Variants in SNAPC4 observed in about 807,000 individuals in gnomAD.
SNAPC4 encodes snRNA-activating protein complex subunit 4.
In SNAPC4, 127 loss-of-function variants were observed where a neutral mutation model predicts 151.3. The ratio of observed to expected loss-of-function variants is 0.84; its 90% CI spans 0.73 to 0.97. The LOEUF (loss-of-function observed/expected upper bound fraction) is 0.97. Among genes scored for constraint, SNAPC4 ranks in the 50% least tolerant of loss-of-function variants. SNAPC4 has a pLI of 0.00. For missense variants in SNAPC4, 2,186 were observed against 1,935.0 expected (o/e 1.13, Z -2.43); for synonymous variants, 1,002 against 824.4 (o/e 1.22, Z -3.69).
intron 7 of SNAPC4, among the ~76,000 whole-genome samples, chr9:136,394,040 C>T (rs1026527131): frequency 2.6e-5 from 4 of 152,244 alleles, no homozygotes; most frequent in Non-Finnish European, 5.9e-5. Context: ...ACCTCAGCCT[C>T]CCGAGTAGCT....
At chr9:136,380,691 C>G in intron 20 of SNAPC4, 49 bp downstream of exon 20, 1 of 1,092,794 alleles carries the variant, frequency 9.2e-7, no homozygotes, top group Non-Finnish European at 1.4e-6. Context: ...CACTCCAACG[C>G]CGGGGCGGGC....
intron 13 of SNAPC4, among the ~76,000 whole-genome samples, chr9:136,385,329 T>C (rs1216181992): frequency 1.3e-5 from 2 of 152,218 alleles, no homozygotes; most frequent in South Asian, 2.1e-4. Flanking sequence ...ACATTCCTAG[T>C]GGGAATACGA....
chr9:136,391,170 G>A (rs921263665), intron 10 of SNAPC4, among the ~76,000 whole-genome samples: 1 of 152,158 alleles, frequency 6.6e-6, no homozygotes, highest in Non-Finnish European at 1.5e-5. Context: ...CAATTTAATA[G>A]CTGATATAGA....
In SNAPC4 at chr9:136,383,284, G is replaced by C. The variant is rs1298961165; in HGVS notation, c.1885C>G (p.Gln629Glu). Reference protein sequence around the residue: ...AAPGEETSPVQVPARAHGPVP... With the variant: ...AAPGEETSPVEVPARAHGPVP... ...GGGCCGTGGGCCCTGGCAGGGACCTGCACCGGACTCGTCTCCTCTCCAGGA... is the reference window on the plus strand; with the variant it reads ...GGGCCGTGGGCCCTGGCAGGGACCTCCACCGGACTCGTCTCCTCTCCAGGA... Residue 629 changes from glutamine to glutamate, a missense_variant, in exon 16 of 24, where the codon CAG becomes GAG. By Grantham distance (29) the Gln-to-Glu change is conservative. Transcript: ENST00000684778. The surrounding 1 kb of genome is among the most constrained non-coding windows in gnomAD (Gnocchi z 4.2). 2 of 1,612,230 alleles carry C rather than the reference G, an allele frequency of 1.2e-6. No individual in the cohort carries two copies. The highest frequency in any genetic ancestry group is 1.7e-6 in the Non-Finnish European group (2 of 1,179,728).
chr9:136,391,876 C>G (rs1372407111), intron 10 of SNAPC4, 66 bp downstream of exon 10: 18 of 1,527,516 alleles, frequency 1.2e-5, no homozygotes, highest in Non-Finnish European at 1.4e-5. Flanking sequence ...CGTCCAGCAG[C>G]CTCCCGCTAT....
In SNAPC4 at chr9:136,388,562, C is replaced by G; in HGVS notation, c.1005G>C (p.Gln335His). 1.9e-6 allele frequency: 3 copies of G among 1,614,100 alleles called. No individual in the cohort carries two copies. The highest frequency in any genetic ancestry group is 2.5e-6 in the Non-Finnish European group (3 of 1,180,028). Residue 335 changes from glutamine (Q) to histidine (H), a missense_variant, in exon 11 of 24, where the codon CAG (glutamine) becomes CAC (histidine). Transcript: ENST00000684778. ...GTSRSAFQCLQKFQQHNKALK... is the reference protein window; with the variant it reads ...GTSRSAFQCLHKFQQHNKALK... ...GAGCTTTGTTGTGCTGCTGGAATTT[C>G]TGCAGGCACTGGAAGGCGCTGCGGC... is the stretch of plus-strand genomic sequence containing the variant.
rs562671922 is a variant in SNAPC4 at position 136,383,797 on chromosome 9, G to A, written c.1501-129C>T. The A allele has an allele frequency of 3.5e-5, 48 of 1,372,450 alleles. 1 individual carries two copies. Among genetic ancestry groups the A allele is most frequent in the Admixed American group, 3.4e-4 (17 of 50,076 alleles). 85.0% of individuals were successfully genotyped at this position (1,372,450 alleles called of 1,614,324 possible). A position where few individuals can be genotyped will look rare whatever the true frequency, so the allele number is the denominator to read the frequency against. Reference sequence around the variant, plus strand: ...TCCGGGGTCAAGAGCAGCCGCTGCCGAGGCAGGGTCTCCCTTTGCCCTTGG... The same window carrying A: ...TCCGGGGTCAAGAGCAGCCGCTGCCAAGGCAGGGTCTCCCTTTGCCCTTGG... On this transcript the variant is annotated intron_variant, in intron 15 of 23. Transcript: ENST00000684778. The surrounding 1 kb of genome is among the most constrained non-coding windows in gnomAD (Gnocchi z 4.2).
intron 3 of SNAPC4, among the ~76,000 whole-genome samples, chr9:136,396,491 A>T (rs1276990104): frequency 6.6e-6 from 1 of 152,176 alleles, no homozygotes; most frequent in Non-Finnish European, 1.5e-5. Flanking sequence ...ATCACAGCTC[A>T]CTGGAGCCTC....
chr9:136,385,506 T>C (rs899235677), intron 13 of SNAPC4, among the ~76,000 whole-genome samples: 1 of 152,188 alleles, frequency 6.6e-6, no homozygotes, highest in South Asian at 2.1e-4. Context: ...GGTTCATCCA[T>C]GTTGTATCAG....
Position 136,387,750 on chromosome 9 carries a change from C to T in SNAPC4, c.1222G>A (p.Glu408Lys), listed in dbSNP as rs1487162690. 1 of 1,604,352 alleles carries T rather than the reference C, an allele frequency of 6.2e-7. No individual in the cohort carries two copies. Among genetic ancestry groups the T allele is most frequent in the Admixed American group, 1.7e-5 (1 of 60,016 alleles). ...GLKKGYWAPEEDAKLLQAVAK... is the reference protein window; with the variant it reads ...GLKKGYWAPEKDAKLLQAVAK... ...GGGTCCCGCACACTTACAGCATCTTCCTCCGGGGCCCAGTAACCCTTCTTC... is the reference window on the plus strand; with the variant it reads ...GGGTCCCGCACACTTACAGCATCTTTCTCCGGGGCCCAGTAACCCTTCTTC... Residue 408 changes from glutamate to lysine, a missense_variant, in exon 12 of 24, where the codon GAA becomes AAA. Coordinates refer to ENST00000684778, the MANE Select transcript of SNAPC4 (RefSeq NM_003086.4).
At chr9:136,390,423 T>C (rs964229878) in intron 10 of SNAPC4, among the ~76,000 whole-genome samples, 2 of 151,170 alleles carry the variant, frequency 1.3e-5, no homozygotes, top group Admixed American at 6.6e-5. Context: ...GGCGTGGTGG[T>C]GGGCGCCTGT....
At chr9:136,394,144 G>C (rs1834176591) in intron 7 of SNAPC4, 105 bp downstream of exon 7, 7 of 914,450 alleles carry the variant, frequency 7.7e-6, no homozygotes, top group South Asian at 2.6e-5. Context: ...GCTTGAACTG[G>C]GTTCAAGAGA....
At chr9:136,396,328 C>T (rs371664658) in intron 3 of SNAPC4, among the ~76,000 whole-genome samples, 4 of 152,360 alleles carry the variant, frequency 2.6e-5, no homozygotes, top group African/African-American at 4.8e-5. Flanking sequence ...AGCAGCAAAT[C>T]GCCAACGTTT....
In SNAPC4 at chr9:136,379,313, A is replaced by G; in HGVS notation, c.2528-14T>C. 1 of 1,612,080 alleles carries G rather than the reference A, an allele frequency of 6.2e-7. No homozygotes were observed. Among genetic ancestry groups the G allele is most frequent in the South Asian group, 1.1e-5 (1 of 91,012 alleles). On this transcript the variant is annotated splice_polypyrimidine_tract_variant and intron_variant, in intron 21 of 23. Coordinates refer to ENST00000684778, the MANE Select transcript of SNAPC4 (RefSeq NM_003086.4). ...GGAAGAGGTGGCCTGTGGGGAGGAA[A>G]GACCCACACTTGATAAGCCCCAGGC...
chr9:136,380,962 G>C (rs914894563), intron 19 of SNAPC4, 112 bp from the exon 20 acceptor site: 10 of 652,890 alleles, frequency 1.5e-5, no homozygotes, highest in South Asian at 1.5e-4. Context: ...GCTACCTTGA[G>C]ACCTCAGCCT....
intron 13 of SNAPC4, among the ~76,000 whole-genome samples, chr9:136,385,418 C>T (rs929883333): frequency 2.6e-5 from 4 of 152,220 alleles, no homozygotes; most frequent in African/African-American, 9.6e-5. Context: ...CGAGCAATTT[C>T]ACTCGCAGGA....
intron 20 of SNAPC4, among the ~76,000 whole-genome samples, chr9:136,380,448 G>A (rs1241822834): frequency 6.6e-6 from 1 of 152,222 alleles, no homozygotes; most frequent in Non-Finnish European, 1.5e-5. Flanking sequence ...TTGGTTTCTG[G>A]AGCAGAAAGG....
At chr9:136,391,882 G>A (rs1037219905) in intron 10 of SNAPC4, 60 bp downstream of exon 10, 83 of 1,547,256 alleles carry the variant, frequency 5.4e-5, no homozygotes, top group Middle Eastern at 2.0e-4. Flanking sequence ...GCAGCCTCCC[G>A]CTATAGGGCC....
rs1274532207 is a variant in SNAPC4, at chr9:136,395,326, G to A, written c.443C>T (p.Pro148Leu). 3 of 1,613,564 alleles carry A rather than the reference G, an allele frequency of 1.9e-6. No individual in the cohort carries two copies. Among genetic ancestry groups the A allele is most frequent in the Non-Finnish European group, 2.5e-6 (3 of 1,179,956 alleles). Residue 148 changes from proline to leucine, a missense_variant, in exon 5 of 24, where the codon CCG becomes CTG. Pro to Leu is a moderately conservative substitution (Grantham distance 98, BLOSUM62 -3). Coordinates refer to ENST00000684778, the MANE Select transcript of SNAPC4 (RefSeq NM_003086.4). ...PSTYMGHFMK[P>L]YFKDKVTGVG... ...GCCCGTGACCTTGTCCTTGAAATAC[G>A]GCTTCATGAAGTGCCCCATGTATGT... is the stretch of plus-strand genomic sequence containing the variant.
Sources: gnomAD v4.1 joint callset for allele counts (sites outside exome capture counted in the v4.1 genomes callset) on GRCh38, gnomAD v4.1.1 for gene constraint, Gnocchi (gnomAD v3.1) non-coding constraint, MANE v1.5 for transcripts, NCBI Gene and HGNC (gene_info 2026-07-23, HGNC 2026-07-21) for gene names.